DPYSL2: variants seen among roughly 807,000 people sequenced by gnomAD.
DPYSL2 encodes the protein dihydropyrimidinase-related protein 2.
DPYSL2 carries 13 observed loss-of-function variants against 69.9 expected under a neutral mutation model. The ratio of observed to expected loss-of-function variants is 0.19; its 90% CI spans 0.12 to 0.30. DPYSL2 has a LOEUF of 0.30. Among genes scored for constraint, DPYSL2 ranks in the 10% least tolerant of loss-of-function variants. The pLI is 1.00. For synonymous variants in DPYSL2, 326 were observed against 359.1 expected, an observed-to-expected ratio of 0.91 and a Z score of 1.04; for missense variants, 587 against 918.9, an observed-to-expected ratio of 0.64 and a Z score of 4.67.
intron 1 of DPYSL2, chr8:26,577,916 C>T (rs1477957413): frequency 8.6e-7 from 1 of 1,157,424 alleles, no homozygotes; most frequent in Non-Finnish European, 1.1e-6. Context: ...GCGCATGCGC[C>T]ACGGTGGCCG....
intron 1 of DPYSL2, chr8:26,577,103 C>G (rs1801363898): frequency 2.3e-6 from 1 of 439,774 alleles, no homozygotes; most frequent in African/African-American, 2.1e-5. Flanking sequence ...TACCCCGCAG[C>G]CTTCCCCGGA....
At chr8:26,556,662 T>G (rs547523975) in intron 1 of DPYSL2, among the ~76,000 whole-genome samples, 1 of 151,992 alleles carries the variant, frequency 6.6e-6, no homozygotes, top group South Asian at 2.1e-4. Flanking sequence ...GATAGATGGA[T>G]TGTCATGATC....
intron 1 of DPYSL2, among the ~76,000 whole-genome samples, chr8:26,575,494 A>C (rs1266383558): frequency 1.3e-5 from 2 of 152,136 alleles, no homozygotes; most frequent in African/African-American, 4.8e-5. Context: ...AATTTAAACC[A>C]TTTGTTTGGT....
chr8:26,596,203 A>G (rs959416349), intron 3 of DPYSL2, among the ~76,000 whole-genome samples: 1 of 152,352 alleles, frequency 6.6e-6, no homozygotes, highest in South Asian at 2.1e-4. Context: ...GAAACTGGGC[A>G]GAAAGCCACA....
Position 26,533,666 on chromosome 8 carries a change from A to G in DPYSL2, c.354+18987A>G, listed in dbSNP as rs1298932523. Among the ~76,000 whole-genome samples, 10 of 152,260 alleles carry G rather than the reference A, an allele frequency of 6.6e-5. No homozygotes were observed. Among genetic ancestry groups the G allele is most frequent in the Admixed American group, 6.5e-4 (10 of 15,284 alleles). ...AAGAAACTAGAGACAAAACATTGCC[A>G]CACAGCATTAGAGAAACCACTGGTG... On this transcript the variant is annotated intron_variant, in intron 1 of 13. Coordinates refer to ENST00000521913, the MANE Select transcript of DPYSL2 (RefSeq NM_001197293.3). This position sits in a 1 kb window ranked among gnomAD's most constrained non-coding sequence, Gnocchi z 4.8.
rs1221120517 is a variant in DPYSL2 at position 26,569,362 on chromosome 8, AAAC to A, written c.355-12604_355-12602del. ...GGGCAAGACCCTATCTCCAAAAAAAAAACAAAAACAAAAACAAAAAAAAACCAA... is the reference window on the plus strand; with the variant it reads ...GGGCAAGACCCTATCTCCAAAAAAAAAAAAACAAAAACAAAAAAAAACCAA... On this transcript the variant is annotated intron_variant, in intron 1 of 13. Transcript: ENST00000521913. 3.5e-4 allele frequency among the ~76,000 whole-genome samples: 35 copies of A among 99,152 alleles called. 3 individuals carry two copies. The East Asian group carries it at 4.1e-3, about 12-fold the overall frequency. 65.0% of individuals were successfully genotyped at this position (99,152 alleles called of 152,430 possible). A position where few individuals can be genotyped will look rare whatever the true frequency, so the allele number is the denominator to read the frequency against.
chr8:26,635,131 G>C lies in DPYSL2; in HGVS notation c.1126+231G>C, dbSNP rs543405670. ...TTTAAAGCCATGTGCACGCCAAGGC[G>C]GGGTGGGCAGGCACATGTCCCCCAG... On this transcript the variant is annotated intron_variant, in intron 8 of 13. Transcript: ENST00000521913. Among the ~76,000 whole-genome samples the C allele has an allele frequency of 2.6e-5, 4 of 152,370 alleles. No individual in the cohort carries two copies. In the East Asian group the frequency reaches 7.7e-4, roughly 29 times the overall value.
chr8:26,566,227 C>T (rs1777856863), intron 1 of DPYSL2, among the ~76,000 whole-genome samples: 1 of 152,076 alleles, frequency 6.6e-6, no homozygotes, highest in African/African-American at 2.4e-5. Flanking sequence ...AGATGGAGTA[C>T]AGAGAAGTCA....
intron 1 of DPYSL2, among the ~76,000 whole-genome samples, chr8:26,531,054 G>A (rs1195942748): frequency 3.9e-5 from 4 of 103,814 alleles, no homozygotes; most frequent in Admixed American, 1.2e-4. Context: ...GCAAGACCTC[G>A]TCTCAAAGAA....
At chr8:26,561,682 G>A (rs545962838) in intron 1 of DPYSL2, among the ~76,000 whole-genome samples, 16 of 152,282 alleles carry the variant, frequency 1.1e-4, no homozygotes, top group African/African-American at 3.9e-4. Context: ...AGGGACTGGG[G>A]CATGGTTTTG....
At chr8:26,596,853 T>C (rs769316770) in intron 3 of DPYSL2, among the ~76,000 whole-genome samples, 2 of 152,204 alleles carry the variant, frequency 1.3e-5, no homozygotes, top group African/African-American at 2.4e-5. Flanking sequence ...GACAGCCTGC[T>C]CATGAAAGCT....
chr8:26,646,430 G>T (rs1307757014), intron 10 of DPYSL2, among the ~76,000 whole-genome samples: 1 of 152,170 alleles, frequency 6.6e-6, no homozygotes, highest in Non-Finnish European at 1.5e-5. Context: ...GGTGTCATCA[G>T]CAAAGATCCA....
intron 1 of DPYSL2, among the ~76,000 whole-genome samples, chr8:26,579,050 C>T (rs1412111012): frequency 2.0e-5 from 3 of 152,242 alleles, no homozygotes; most frequent in Admixed American, 2.0e-4. Context: ...CCTTCTGCCG[C>T]TCAGGAGGCG....
chr8:26,514,373 C>G lies in DPYSL2; in HGVS notation c.48C>G (p.Val16=), dbSNP rs1371110835. The change falls in exon 1 of 14, where the codon GTC becomes GTG. Residue 16 remains valine (V), a synonymous_variant. Transcript: ENST00000521913. The surrounding 1 kb of genome is among the most constrained non-coding windows in gnomAD (Gnocchi z 8.4). The stretch of plus-strand genomic sequence containing the variant: ...GGAAGGCGGCAGAGGACGAAGAGGT[C>G]CCTGCTTTTTTTAAAAACCTGGGCT... ...QSGKAAEDEE[V]PAFFKNLGSG... 59 of 1,513,932 alleles carry G rather than the reference C, an allele frequency of 3.9e-5. No homozygotes were observed. The highest frequency in any genetic ancestry group is 4.8e-5 in the Non-Finnish European group (55 of 1,137,856). The allele number at this position is 1,513,932 out of a possible 1,614,324, so 93.8% of individuals were successfully genotyped here.
chr8:26,629,207 G>A (rs1381848889), intron 7 of DPYSL2, among the ~76,000 whole-genome samples: 2 of 151,636 alleles, frequency 1.3e-5, no homozygotes, highest in African/African-American at 4.9e-5. Flanking sequence ...ATAGGCACAC[G>A]CAGACAGGTA....
At chr8:26,515,669 T>G (rs1019273772) in intron 1 of DPYSL2, among the ~76,000 whole-genome samples, 2 of 152,266 alleles carry the variant, frequency 1.3e-5, no homozygotes, top group Non-Finnish European at 2.9e-5. Context: ...ATCCTTACAC[T>G]AGTGTAATTC....
At chr8:26,546,270 T>G (rs1800765538) in intron 1 of DPYSL2, among the ~76,000 whole-genome samples, 1 of 152,198 alleles carries the variant, frequency 6.6e-6, no homozygotes, top group East Asian at 1.9e-4. Flanking sequence ...TGTATTGTGT[T>G]TTTAATTATA....
chr8:26,587,441 A>G lies in DPYSL2; in HGVS notation c.628+3458A>G, dbSNP rs766478290. ...CACCATGTCACCTGCCCTCACGGGT[A>G]AATCCTCGCCTGCCTCCCTGCTGGC... On this transcript the variant is annotated intron_variant, in intron 3 of 13. Transcript: ENST00000521913. This position sits in a 1 kb window ranked among gnomAD's most constrained non-coding sequence, Gnocchi z 4.2. Among the ~76,000 whole-genome samples the G allele has an allele frequency of 4.6e-5, 7 of 152,170 alleles. No homozygotes were observed. The highest frequency in any genetic ancestry group is 7.4e-5 in the Non-Finnish European group (5 of 68,026).
intron 3 of DPYSL2, among the ~76,000 whole-genome samples, chr8:26,622,476 ATGTG>A (rs372106979): frequency 1.5e-4 from 19 of 127,506 alleles, no homozygotes; most frequent in African/African-American, 3.7e-4. Context: ...GTGTGTGTAT[ATGTG>A]TGTGTGTGTG....
Sources: allele counts gnomAD v4.1 joint callset (sites outside exome capture counted in the v4.1 genomes callset), GRCh38; gene constraint gnomAD v4.1.1; non-coding constraint Gnocchi (gnomAD v3.1); transcripts MANE v1.5; gene names NCBI Gene and HGNC (gene_info 2026-07-23, HGNC 2026-07-21).